The following FBXO38 variants were observed in gnomAD, a reference collection of about 807,000 sequenced individuals.
FBXO38 encodes the protein F-box only protein 38.
Under a neutral mutation model 131.9 loss-of-function variants are expected in FBXO38, and 53 were observed. That is an observed-to-expected ratio of 0.40 (90% CI 0.32 to 0.51). FBXO38 has a LOEUF of 0.51. Among genes scored for constraint, FBXO38 ranks in the 20% least tolerant of loss-of-function variants. The pLI is 0.53. For missense variants in FBXO38, 1,076 were observed against 1,475.6 expected (o/e 0.73, Z 4.44); for synonymous variants, 452 against 505.6 (o/e 0.89, Z 1.42).
At chr5:148,430,917 A>G (rs1236950434) in intron 15 of FBXO38, 2 of 152,240 alleles carry the variant, frequency 1.3e-5, no homozygotes, top group Non-Finnish European at 2.9e-5. Flanking sequence ...AAAGAATAAC[A>G]TTTAAGATTA....
intron 2 of FBXO38, among the ~76,000 whole-genome samples, chr5:148,396,110 G>T (rs530916902): frequency 1.3e-5 from 2 of 151,742 alleles, no homozygotes; most frequent in Admixed American, 1.3e-4. Context: ...CCTGCAGTTC[G>T]TTATTCTGTG....
intron 1 of FBXO38, among the ~76,000 whole-genome samples, chr5:148,392,537 A>G (rs1431790885): frequency 1.3e-5 from 2 of 151,544 alleles, no homozygotes; most frequent in East Asian, 1.9e-4. Flanking sequence ...AGCTCAGGAG[A>G]GGTAAGAAGT....
At chr5:148,427,094 A>G in intron 14 of FBXO38, 119 bp from the exon 15 acceptor site, 1 of 1,171,818 alleles carries the variant, frequency 8.5e-7, no homozygotes, top group African/African-American at 1.6e-5. Flanking sequence ...GTTATACTTT[A>G]GGAAAATTAG....
Position 148,394,803 on chromosome 5 carries a change from A to C in FBXO38, c.27A>C (p.Lys9Asn). MGPRKKSV[K>N]TCIMNNEIPE... The stretch of plus-strand genomic sequence containing the variant: ...TGGGGCCACGAAAGAAAAGTGTGAA[A>C]ACATGTATCATGAATAATGAAATTC... Residue 9 changes from lysine to asparagine, a missense_variant, in exon 2 of 22, where the codon AAA becomes AAC. Lys to Asn is a moderately conservative substitution (Grantham distance 94). This residue lies in a region of FBXO38 where 58 missense variants were observed against 53.1 expected (regional missense o/e 1.09). Coordinates refer to ENST00000340253, the MANE Select transcript of FBXO38 (RefSeq NM_205836.3). 6.3e-7 allele frequency: 1 copy of C among 1,590,226 alleles called. No homozygotes were observed. Among genetic ancestry groups the C allele is most frequent in the Non-Finnish European group, 8.6e-7 (1 of 1,168,992 alleles).
At chr5:148,422,095 A>G (rs1035097381) in intron 12 of FBXO38, among the ~76,000 whole-genome samples, 5 of 143,324 alleles carry the variant, frequency 3.5e-5, no homozygotes, top group South Asian at 2.2e-4. Context: ...AAACTGGCCT[A>G]TTTTCTTGCC....
intron 1 of FBXO38, among the ~76,000 whole-genome samples, chr5:148,393,032 G>A (rs1378641224): frequency 6.6e-6 from 1 of 151,968 alleles, no homozygotes; most frequent in Non-Finnish European, 1.5e-5. Flanking sequence ...TTTTCCGGAG[G>A]CCTCTTAGCC....
intron 7 of FBXO38, among the ~76,000 whole-genome samples, chr5:148,408,032 A>G (rs1316872635): frequency 6.6e-6 from 1 of 152,200 alleles, no homozygotes; most frequent in Non-Finnish European, 1.5e-5. Context: ...CCTGGAATGA[A>G]TAAGAAAAAG....
chr5:148,392,025 C>T (rs1176181662), intron 1 of FBXO38, among the ~76,000 whole-genome samples: 1 of 152,060 alleles, frequency 6.6e-6, no homozygotes, highest in Non-Finnish European at 1.5e-5. Flanking sequence ...GCTTTTTTCA[C>T]TTAACACTAT....
intron 5 of FBXO38, among the ~76,000 whole-genome samples, chr5:148,403,353 A>G (rs1411192705): frequency 6.6e-6 from 1 of 152,110 alleles, no homozygotes; most frequent in Non-Finnish European, 1.5e-5. Flanking sequence ...ATAAAAATAA[A>G]CATTACCAGG....
chr5:148,409,302 G>A, intron 8 of FBXO38, 85 bp downstream of exon 8: 1 of 835,212 alleles, frequency 1.2e-6, no homozygotes, highest in Non-Finnish European at 2.1e-6. Context: ...GAATGTGTGT[G>A]TATATATGTG....
chr5:148,441,953 A>G lies in FBXO38; in HGVS notation c.3389-16A>G. On this transcript the variant is annotated splice_polypyrimidine_tract_variant and intron_variant, in intron 21 of 21. Coordinates refer to ENST00000340253, the MANE Select transcript of FBXO38 (RefSeq NM_205836.3). ...GATTATCATATGTATCTCTCCTTTT[A>G]TTTCTAATTTCAAAGGCACTATCTA... The G allele has an allele frequency of 6.3e-7, 1 of 1,599,060 alleles. No homozygotes were observed.
chr5:148,406,239 ATT>A lies in FBXO38; in HGVS notation c.731-6_731-5del, dbSNP rs201558003. 575 of 1,206,752 alleles carry A rather than the reference ATT, an allele frequency of 4.8e-4. No homozygotes were observed. The highest frequency in any genetic ancestry group is 1.2e-3 in the South Asian group (79 of 63,876). 74.8% of individuals were successfully genotyped at this position (1,206,752 alleles called of 1,614,324 possible). Reference sequence around the variant, plus strand: ...GGCACTTTACATTGTTCTATCAAAGATTTTTTTTTTTTTCCAGGACCCACAAA... The same window carrying A: ...GGCACTTTACATTGTTCTATCAAAGATTTTTTTTTTTCCAGGACCCACAAA... On this transcript the variant is annotated splice_polypyrimidine_tract_variant and intron_variant, in intron 6 of 21. Coordinates refer to ENST00000340253, the MANE Select transcript of FBXO38 (RefSeq NM_205836.3).
rs551096432 is a variant in FBXO38 at position 148,420,759 on chromosome 5, G to A, written c.1619-3239G>A. Among the ~76,000 whole-genome samples, 10 of 152,226 alleles carry A rather than the reference G, an allele frequency of 6.6e-5. No homozygotes were observed. In the South Asian group the frequency reaches 2.1e-3, roughly 32 times the overall value. On this transcript the variant is annotated intron_variant, in intron 12 of 21. Transcript: ENST00000340253. ...GCATCACAATCACCTGGAGGAATCAGCACATTGCTGATTTTTGCCCTCAGA... is the reference window on the plus strand; with the variant it reads ...GCATCACAATCACCTGGAGGAATCAACACATTGCTGATTTTTGCCCTCAGA...
At chr5:148,406,236 A>G (rs560607750) in intron 6 of FBXO38, 21 bp from the exon 7 acceptor site, 8 of 1,543,254 alleles carry the variant, frequency 5.2e-6, no homozygotes, top group South Asian at 3.7e-5. Flanking sequence ...TGTTCTATCA[A>G]AGATTTTTTT....
At chr5:148,401,049 G>A (rs543679689) in intron 3 of FBXO38, among the ~76,000 whole-genome samples, 1 of 152,078 alleles carries the variant, frequency 6.6e-6, no homozygotes, top group Admixed American at 6.6e-5. Context: ...TGTTAAATGA[G>A]ATAACTTAAA....
chr5:148,442,345 C>A lies in FBXO38; in HGVS notation c.*198C>A. 1 of 405,794 alleles carries A rather than the reference C, an allele frequency of 2.5e-6. No homozygotes were observed. Among genetic ancestry groups the A allele is most frequent in the Admixed American group, 4.2e-5 (1 of 23,546 alleles). The allele number at this position is 405,794 out of a possible 1,614,324, so 25.1% of individuals were successfully genotyped here. On this transcript the variant is annotated 3_prime_UTR_variant, in exon 22 of 22. Coordinates refer to ENST00000340253, the MANE Select transcript of FBXO38 (RefSeq NM_205836.3). ...TATACAAAGACGCTTCCTAAAGTAC[C>A]AACTTTATATCATATGTTTATACAA...
rs757349169 is a variant in FBXO38 at position 148,414,246 on chromosome 5, A to G, written c.1204A>G (p.Ile402Val). ...AGCAGTCAATGAAGTTTTTTCCTGT[A>G]TCAAATATCTGGCAATTTACAATTG... Reference protein sequence around the residue: ...MKAVNEVFSCIKYLAIYNCPH... With the variant: ...MKAVNEVFSCVKYLAIYNCPH... The change falls in exon 10 of 22, where the codon ATC (isoleucine) becomes GTC (valine). Residue 402 changes from isoleucine to valine, a missense_variant. Physicochemically the swap from Ile to Val is conservative, Grantham distance 29. This residue lies in a region of FBXO38 where 146 missense variants were observed against 274.3 expected (regional missense o/e 0.53). Coordinates refer to ENST00000340253, the MANE Select transcript of FBXO38 (RefSeq NM_205836.3). The G allele has an allele frequency of 7.4e-6, 12 of 1,612,748 alleles. No individual in the cohort carries two copies. Among genetic ancestry groups the G allele is most frequent in the East Asian group, 4.5e-5 (2 of 44,798 alleles).
At chr5:148,390,768 T>G (rs989519180) in intron 1 of FBXO38, among the ~76,000 whole-genome samples, 1 of 152,186 alleles carries the variant, frequency 6.6e-6, no homozygotes, top group African/African-American at 2.4e-5. Context: ...ACGTATAGTT[T>G]GTGCACTAGG....
chr5:148,407,484 T>C (rs534007041), intron 7 of FBXO38, among the ~76,000 whole-genome samples: 1 of 152,242 alleles, frequency 6.6e-6, no homozygotes, highest in Admixed American at 6.5e-5. Context: ...AAAAATAACT[T>C]AGAAGAATGT....
Sources: allele counts gnomAD v4.1 joint callset (sites outside exome capture counted in the v4.1 genomes callset), GRCh38; gene constraint gnomAD v4.1.1; regional missense constraint gnomAD v4.1.1; transcripts MANE v1.5; gene names NCBI Gene and HGNC (gene_info 2026-07-23, HGNC 2026-07-21).